The following RMND5B variants were observed in gnomAD, a reference collection of about 807,000 sequenced individuals.
RMND5B encodes E3 ubiquitin-protein transferase RMND5B.
Under a neutral mutation model 50.4 loss-of-function variants are expected in RMND5B, and 42 were observed. That is an observed-to-expected ratio of 0.83 (90% CI 0.65 to 1.08). The LOEUF is 1.08. RMND5B is among the 50% of genes least tolerant of loss of function. The pLI is 0.00. For missense variants in RMND5B, 463 were observed against 508.5 expected (o/e 0.91, Z 0.86); for synonymous variants, 220 against 210.0 (o/e 1.05, Z -0.41).
intron 6 of RMND5B, 41 bp from the exon 7 acceptor site, chr5:178,143,901 C>A: frequency 1.3e-6 from 2 of 1,592,522 alleles, no homozygotes; most frequent in Non-Finnish European, 1.7e-6. Flanking sequence ...CAGGTCCTAG[C>A]CCCCACCAGC....
At position 178,142,906 on chromosome 5, in the gene RMND5B, G is replaced by A; in HGVS notation, c.340G>A (p.Glu114Lys). 6.2e-7 allele frequency: 1 copy of A among 1,614,210 alleles called. No homozygotes were observed. The highest frequency in any genetic ancestry group is 1.1e-5 in the South Asian group (1 of 91,080). The change falls in exon 5 of 11, where the codon GAA becomes AAA. Residue 114 changes from glutamate (E) to lysine (K), a missense_variant. By Grantham distance (56) the Glu-to-Lys change is moderately conservative. Coordinates refer to ENST00000313386, the MANE Select transcript of RMND5B (RefSeq NM_022762.5). ...GTCAGATGCGGTGTGGGACGCGCGG[G>A]AACAGCAGCAGCAGATCCTGCAGAT... ...VVSDAVWDAR[E>K]QQQQILQMAI...
Position 178,142,583 on chromosome 5 carries a change from C to G in RMND5B, c.140C>G (p.Ala47Gly). 1 of 1,608,632 alleles carries G rather than the reference C, an allele frequency of 6.2e-7. No individual in the cohort carries two copies. The highest frequency in any genetic ancestry group is 8.5e-7 in the Non-Finnish European group (1 of 1,176,886). ...GQLRAELASA[A>G]LQGTPLSATL... Reference sequence around the variant, plus strand: ...TGTCCTTATTCCACTTTCTCTGCAGCCCTCCAGGGGACCCCTCTCTCAGCC... The same window carrying G: ...TGTCCTTATTCCACTTTCTCTGCAGGCCTCCAGGGGACCCCTCTCTCAGCC... Residue 47 changes from alanine to glycine, a missense_variant and splice_region_variant, in exon 4 of 11, where the codon GCC becomes GGC. By Grantham distance (60) the Ala-to-Gly change is moderately conservative (BLOSUM62 0). Transcript: ENST00000313386.
chr5:178,142,828 G>A, intron 4 of RMND5B, 24 bp from the exon 5 acceptor site: 4 of 1,614,250 alleles, frequency 2.5e-6, no homozygotes, highest in South Asian at 1.1e-5. Flanking sequence ...GCATCACCAG[G>A]CCCTGTCTCT....
chr5:178,140,704 C>G (rs1758884571), intron 3 of RMND5B, among the ~76,000 whole-genome samples: 1 of 151,898 alleles, frequency 6.6e-6, no homozygotes, highest in African/African-American at 2.4e-5. Flanking sequence ...GTGGCACATG[C>G]CTGTAGTCCC....
At chr5:178,142,754 T>C in intron 4 of RMND5B, 26 bp downstream of exon 4, 1 of 1,614,210 alleles carries the variant, frequency 6.2e-7, no homozygotes. Context: ...GCTCCAGGCG[T>C]GGGGTGGGAG....
In RMND5B at chr5:178,146,294, T is replaced by C; in HGVS notation, c.860+15T>C. 1 of 1,611,738 alleles carries C rather than the reference T, an allele frequency of 6.2e-7. No individual in the cohort carries two copies. Among genetic ancestry groups the C allele is most frequent in the South Asian group, 1.1e-5 (1 of 90,942 alleles). ...CTTAGCGTCAGGTACAACCCAGCCC[T>C]GTGAGGGCAGCACAGGTGGGAGGGT... On this transcript the variant is annotated intron_variant, in intron 8 of 10. Coordinates refer to ENST00000313386, the MANE Select transcript of RMND5B (RefSeq NM_022762.5).
At chr5:178,132,395 C>T (rs557759651) in intron 2 of RMND5B, among the ~76,000 whole-genome samples, 2 of 152,080 alleles carry the variant, frequency 1.3e-5, no homozygotes, top group East Asian at 1.9e-4. Flanking sequence ...GAGCCAAGAT[C>T]GTGCCACTGT....
Position 178,136,963 on chromosome 5 carries a change from G to T in RMND5B, c.-12-1145G>T, listed in dbSNP as rs967488420. Reference sequence around the variant, plus strand: ...GCAGCAAGAGAGGTTCTGGTCTGGTGGGGGAGGCAGGCCCAGTGACCAAAA... The same window carrying T: ...GCAGCAAGAGAGGTTCTGGTCTGGTTGGGGAGGCAGGCCCAGTGACCAAAA... On this transcript the variant is annotated intron_variant, in intron 2 of 10. Transcript: ENST00000313386. Among the ~76,000 whole-genome samples, 4 of 152,164 alleles carry T rather than the reference G, an allele frequency of 2.6e-5. No individual in the cohort carries two copies. The East Asian group carries it at 7.7e-4, about 29-fold the overall frequency.
rs994617049 is a variant in RMND5B at position 178,144,451 on chromosome 5, A to T, written c.694+343A>T. Among the ~76,000 whole-genome samples the T allele has an allele frequency of 7.9e-5, 12 of 151,940 alleles. No individual in the cohort carries two copies. In the South Asian group the frequency reaches 8.3e-4, roughly 11 times the overall value. Reference sequence around the variant, plus strand: ...TGTGTGGCCTATGGAAAAGTCCTTTAAGAAAAAAAAAAAGGCCAGGCACGG... The same window carrying T: ...TGTGTGGCCTATGGAAAAGTCCTTTTAGAAAAAAAAAAAGGCCAGGCACGG... On this transcript the variant is annotated intron_variant, in intron 7 of 10. Coordinates refer to ENST00000313386, the MANE Select transcript of RMND5B (RefSeq NM_022762.5).
At chr5:178,143,565 T>C in intron 5 of RMND5B, 62 bp from the exon 6 acceptor site, 4 of 1,283,674 alleles carry the variant, frequency 3.1e-6, no homozygotes, top group Admixed American at 3.5e-5. Flanking sequence ...ATTATGTGCA[T>C]AGCAGAGAAC....
rs781096695 is a variant in RMND5B at position 178,149,767 on chromosome 5, C to T, written c.*1735C>T. ...CCTCCAGGCACTCATCGTAAGCCTC[C>T]TGGTACTCCTCATGGGGCTTGACCA... On this transcript the variant is annotated 3_prime_UTR_variant, in exon 11 of 11. Coordinates refer to ENST00000313386, the MANE Select transcript of RMND5B (RefSeq NM_022762.5). 2.5e-6 allele frequency: 4 copies of T among 1,614,128 alleles called. No individual in the cohort carries two copies.
At chr5:178,143,214 C>T (rs568405063) in intron 5 of RMND5B, among the ~76,000 whole-genome samples, 2 of 152,272 alleles carry the variant, frequency 1.3e-5, no homozygotes, top group East Asian at 1.9e-4. Flanking sequence ...GAGCTGAGGC[C>T]TCATATCCCT....
Position 178,149,623 on chromosome 5 carries a change from G to T in RMND5B, c.*1591G>T. On this transcript the variant is annotated 3_prime_UTR_variant, in exon 11 of 11. Transcript: ENST00000313386. ...TGCCTTGGGGAACTGGGAAGATGCC[G>T]TCAGTGTGGGTGGGCAGGAGGACAG... 1.3e-6 allele frequency: 2 copies of T among 1,562,090 alleles called. No homozygotes were observed. The highest frequency in any genetic ancestry group is 2.3e-5 in the East Asian group (1 of 44,214).
At position 178,148,334 on chromosome 5, in the gene RMND5B, T is replaced by G. The variant is rs1051082699; in HGVS notation, c.*302T>G. On this transcript the variant is annotated 3_prime_UTR_variant, in exon 11 of 11. Transcript: ENST00000313386. ...AGCAACCGACAGAGTGGCAAGGGAT[T>G]TGGTCTTCAGCAGTAGACATCCTTC... 8.8e-6 allele frequency: 4 copies of G among 456,710 alleles called. No homozygotes were observed. In the Admixed American group the frequency reaches 1.4e-4, roughly 16 times the overall value. The allele number at this position is 456,710 out of a possible 1,614,324, so 28.3% of individuals were successfully genotyped here. A position where few individuals can be genotyped will look rare whatever the true frequency, so the allele number is the denominator to read the frequency against.
Position 178,148,086 on chromosome 5 carries a change from C to G in RMND5B, c.*54C>G. On this transcript the variant is annotated 3_prime_UTR_variant, in exon 11 of 11. Transcript: ENST00000313386. ...GGGGTTTTCACCTGTGAGCCTTGGT[C>G]TGTCTCGGTAGGGTGGTCAACTTCA... 1.3e-6 allele frequency: 2 copies of G among 1,570,842 alleles called. No homozygotes were observed. Among genetic ancestry groups the G allele is most frequent in the Non-Finnish European group, 1.8e-6 (2 of 1,140,674 alleles).
chr5:178,146,357 GC>G (rs1399088630), intron 8 of RMND5B, 78 bp downstream of exon 8: 21 of 1,391,822 alleles, frequency 1.5e-5, no homozygotes, highest in Non-Finnish European at 2.0e-5. Flanking sequence ...CCTGCCATGT[GC>G]CAGGAACAGT....
At chr5:178,139,487 G>A (rs914758619) in intron 3 of RMND5B, among the ~76,000 whole-genome samples, 3 of 150,944 alleles carry the variant, frequency 2.0e-5, no homozygotes, top group Admixed American at 6.6e-5. Flanking sequence ...GATTATAGGT[G>A]TGAGCCACCA....
rs754423849 is a variant in RMND5B at position 178,142,674 on chromosome 5, G to A, written c.231G>A (p.Ser77=). 107 of 1,614,098 alleles carry A rather than the reference G, an allele frequency of 6.6e-5. 1 individual carries two copies. Among genetic ancestry groups the A allele is most frequent in the Non-Finnish European group, 6.4e-5 (76 of 1,180,050 alleles). ...KIKDTVQKLA[S]DHKDIHSSVS... ...AAGATACGGTGCAGAAACTGGCTTC[G>A]GACCATAAGGACATTCACAGCAGTG... The change falls in exon 4 of 11, where the codon TCG becomes TCA. Residue 77 remains serine, a synonymous_variant. Transcript: ENST00000313386.
rs1490729165 is a variant in RMND5B at position 178,131,356 on chromosome 5, C to T, written c.-33C>T. The T allele has an allele frequency of 6.6e-6, 1 of 152,086 alleles. No individual in the cohort carries two copies. The highest frequency in any genetic ancestry group is 1.5e-5 in the Non-Finnish European group (1 of 68,038). 9.4% of individuals were successfully genotyped at this position (152,086 alleles called of 1,614,324 possible). On this transcript the variant is annotated 5_prime_UTR_variant, in exon 2 of 11. Coordinates refer to ENST00000313386, the MANE Select transcript of RMND5B (RefSeq NM_022762.5). Reference sequence around the variant, plus strand: ...CAAACGTCCAGTCCTCGTGCGACCGCGCTGGGTCGGAAGTGAGCAGGTGCG... The same window carrying T: ...CAAACGTCCAGTCCTCGTGCGACCGTGCTGGGTCGGAAGTGAGCAGGTGCG...
Sources: gnomAD v4.1 joint callset for allele counts (sites outside exome capture counted in the v4.1 genomes callset) on GRCh38, gnomAD v4.1.1 for gene constraint, MANE v1.5 for transcripts, NCBI Gene and HGNC (gene_info 2026-07-23, HGNC 2026-07-21) for gene names.